Variants in PLCH1 observed in about 807,000 individuals in gnomAD.
PLCH1 encodes phospholipase C eta 1.
A neutral mutation model predicts 126.7 loss-of-function variants in PLCH1; 60 were observed. That is an observed-to-expected ratio of 0.47 (90% CI 0.38 to 0.59). PLCH1 has a LOEUF of 0.59. PLCH1 is among the 20% of genes least tolerant of loss of function. The pLI is 0.00. For synonymous variants in PLCH1, 719 were observed against 734.9 expected (o/e 0.98, Z 0.35); for missense variants, 1,723 against 2,040.0 (o/e 0.84, Z 2.99).
intron 1 of PLCH1, among the ~76,000 whole-genome samples, chr3:155,733,065 A>G (rs1301787705): frequency 2.6e-5 from 4 of 152,156 alleles, no homozygotes; most frequent in African/African-American, 9.6e-5. Flanking sequence ...TAAATTAAAG[A>G]AAACACGAAC....
intron 2 of PLCH1, among the ~76,000 whole-genome samples, chr3:155,678,120 G>A (rs1422531084): frequency 6.6e-6 from 1 of 152,118 alleles, no homozygotes; most frequent in Non-Finnish European, 1.5e-5. Context: ...ACTCCAATCT[G>A]GGGTCAAGAA....
At chr3:155,586,315 G>A (rs559883063) in intron 4 of PLCH1, 121 bp from the exon 5 acceptor site, 13 of 926,632 alleles carry the variant, frequency 1.4e-5, no homozygotes, top group Non-Finnish European at 2.0e-5. Context: ...ATTTTGAGGA[G>A]CCCCTGCAAT....
intron 11 of PLCH1, among the ~76,000 whole-genome samples, chr3:155,515,896 T>A (rs751391048): frequency 2.0e-5 from 3 of 152,222 alleles, no homozygotes; most frequent in African/African-American, 4.8e-5. Context: ...CAAATCTATT[T>A]CTAAGAGGTC....
intron 2 of PLCH1, among the ~76,000 whole-genome samples, chr3:155,632,167 G>T (rs990209660): frequency 6.6e-6 from 1 of 152,116 alleles, no homozygotes; most frequent in Non-Finnish European, 1.5e-5. Context: ...GATCATTATT[G>T]TGTCTGAAAA....
At chr3:155,542,988 C>G (rs531416406) in intron 10 of PLCH1, among the ~76,000 whole-genome samples, 26 of 152,332 alleles carry the variant, frequency 1.7e-4, no homozygotes, top group South Asian at 8.3e-4. Flanking sequence ...CACCTTTCCT[C>G]CTCCAAAGGA....
chr3:155,472,213 C>A (rs936081203), intron 21 of PLCH1, among the ~76,000 whole-genome samples: 5 of 151,628 alleles, frequency 3.3e-5, no homozygotes, highest in Non-Finnish European at 1.5e-5. Flanking sequence ...AGAGAAGAAT[C>A]AAATAGACAC....
intron 22 of PLCH1, chr3:155,483,315 C>A (rs1714485198): frequency 1.4e-6 from 2 of 1,453,102 alleles, no homozygotes; most frequent in African/African-American, 1.4e-5. Context: ...AAAAAAATGT[C>A]AATGAGTTAC....
intron 2 of PLCH1, among the ~76,000 whole-genome samples, chr3:155,688,528 T>C (rs1745126214): frequency 6.6e-6 from 1 of 152,106 alleles, no homozygotes; most frequent in African/African-American, 2.4e-5. Context: ...AAAAGCACCA[T>C]CACAGGAACC....
In PLCH1 at chr3:155,549,862, G is replaced by A. The variant is rs368292732; in HGVS notation, c.1287C>T (p.Asp429=). 1 of 1,613,796 alleles carries A rather than the reference G, an allele frequency of 6.2e-7. No individual in the cohort carries two copies. Among genetic ancestry groups the A allele is most frequent in the African/African-American group, 1.3e-5 (1 of 75,024 alleles). ...ACTCCCCTGTATCAACAGATGACAG[G>A]TCCAGTTTGTCTCCGAATATTCCTT... The part of the protein sequence containing the change: ...YLKGIFGDKL[D]LSSVDTGECK... Residue 429 remains aspartate (D), a synonymous_variant, in exon 10 of 23, where the codon GAC becomes GAT. Transcript: ENST00000460012.
intron 2 of PLCH1, among the ~76,000 whole-genome samples, chr3:155,681,221 A>T (rs979311440): frequency 6.6e-6 from 1 of 152,186 alleles, no homozygotes; most frequent in Non-Finnish European, 1.5e-5. Flanking sequence ...CAGTTTAGTA[A>T]CACTAAACTT....
At chr3:155,638,972 G>C (rs940847999) in intron 2 of PLCH1, among the ~76,000 whole-genome samples, 1 of 152,028 alleles carries the variant, frequency 6.6e-6, no homozygotes, top group Non-Finnish European at 1.5e-5. Flanking sequence ...ATATATAACA[G>C]TTTCCCCCAA....
chr3:155,486,976 C>G (rs1335666090), intron 21 of PLCH1: 3 of 152,080 alleles, frequency 2.0e-5, no homozygotes, highest in Non-Finnish European at 4.4e-5. Flanking sequence ...AGGCAAGACC[C>G]CAACAAGCAG....
intron 2 of PLCH1, among the ~76,000 whole-genome samples, chr3:155,663,632 T>C (rs928818338): frequency 2.0e-5 from 3 of 152,182 alleles, no homozygotes; most frequent in African/African-American, 7.2e-5. Context: ...CCCACTTAGT[T>C]GTGTGTGCCT....
chr3:155,547,202 A>G (rs983343998), intron 10 of PLCH1, among the ~76,000 whole-genome samples: 2 of 148,442 alleles, frequency 1.3e-5, no homozygotes, highest in Non-Finnish European at 3.0e-5. Context: ...AGAAAAAAAC[A>G]AACAACCCCA....
chr3:155,710,497 G>A (rs1205390833), intron 1 of PLCH1, among the ~76,000 whole-genome samples: 1 of 152,076 alleles, frequency 6.6e-6, no homozygotes, highest in Non-Finnish European at 1.5e-5. Flanking sequence ...AATTGACAGT[G>A]AATAAGGAAC....
At chr3:155,657,644 T>C (rs1020622063) in intron 2 of PLCH1, 4 of 152,214 alleles carry the variant, frequency 2.6e-5, no homozygotes, top group African/African-American at 7.2e-5. Flanking sequence ...ACTACGCTTA[T>C]TGAGAAAGAG....
At chr3:155,547,264 A>G (rs1470218671) in intron 10 of PLCH1, among the ~76,000 whole-genome samples, 1 of 151,032 alleles carries the variant, frequency 6.6e-6, no homozygotes, top group Non-Finnish European at 1.5e-5. Context: ...GAAGACATTT[A>G]TGCAGCCAAA....
intron 11 of PLCH1, 116 bp downstream of exon 11, chr3:155,523,781 A>AT: frequency 1.6e-6 from 1 of 624,090 alleles, no homozygotes; most frequent in East Asian, 2.9e-5. Flanking sequence ...TTCAATGAAT[A>AT]TCCTTTCTAC....
rs748414967 is a variant in PLCH1, at chr3:155,549,880, T to A, written c.1269A>T (p.Ile423=). ...QRKIAQYLKG[I]FGDKLDLSSV... ...ATGACAGGTCCAGTTTGTCTCCGAA[T>A]ATTCCTTTCAGGTACTGAGCAATCT... Residue 423 remains isoleucine (I), a synonymous_variant, in exon 10 of 23, where the codon ATA becomes ATT. Transcript: ENST00000460012. The A allele has an allele frequency of 5.9e-5, 96 of 1,613,646 alleles. No homozygotes were observed. Among genetic ancestry groups the A allele is most frequent in the Admixed American group, 1.5e-4 (9 of 59,982 alleles).
Sources: allele counts gnomAD v4.1 joint callset (sites outside exome capture counted in the v4.1 genomes callset), GRCh38; gene constraint gnomAD v4.1.1; transcripts MANE v1.5; gene names NCBI Gene and HGNC (gene_info 2026-07-23, HGNC 2026-07-21).